The following LRRC4C variants were observed in gnomAD, a reference collection of about 807,000 sequenced individuals.
LRRC4C encodes the protein leucine rich repeat containing 4C.
In LRRC4C, 5 loss-of-function variants were observed where a neutral mutation model predicts 33.6. The ratio of observed to expected loss-of-function variants is 0.15; its 90% confidence interval spans 0.08 to 0.31. LRRC4C has a LOEUF of 0.31. Among genes scored for constraint, LRRC4C ranks in the 10% least tolerant of loss-of-function variants. The pLI is 1.00. For missense variants in LRRC4C, 560 were observed against 796.7 expected (o/e 0.70, Z 3.58); for synonymous variants, 329 against 302.0 (o/e 1.09, Z -0.93).
chr11:40,510,916 G>A (rs1457924680), intron 3 of LRRC4C, among the ~76,000 whole-genome samples: 2 of 152,112 alleles, frequency 1.3e-5, no homozygotes, highest in Non-Finnish European at 2.9e-5. Context: ...GAAAAAAACT[G>A]ATACTTGCTA....
At chr11:40,304,121 A>G (rs1944912710) in intron 4 of LRRC4C, among the ~76,000 whole-genome samples, 1 of 152,182 alleles carries the variant, frequency 6.6e-6, no homozygotes, top group African/African-American at 2.4e-5. Context: ...CTATTTCAGA[A>G]GCTCCCTCCA....
intron 1 of LRRC4C, among the ~76,000 whole-genome samples, chr11:41,362,896 A>G (rs1181777110): frequency 2.6e-5 from 4 of 151,814 alleles, no homozygotes; most frequent in African/African-American, 9.7e-5. Flanking sequence ...CTTCTGTCAC[A>G]TGGCCTTCTT....
intron 1 of LRRC4C, among the ~76,000 whole-genome samples, chr11:41,280,214 T>C (rs1949618513): frequency 6.6e-6 from 1 of 152,210 alleles, no homozygotes; most frequent in African/African-American, 2.4e-5. Flanking sequence ...TCTGAGAGCG[T>C]TGGAGACTTC....
chr11:40,782,221 C>G (rs940538068), intron 2 of LRRC4C, among the ~76,000 whole-genome samples: 1 of 152,038 alleles, frequency 6.6e-6, no homozygotes, highest in African/African-American at 2.4e-5. Flanking sequence ...TTTCAGATAC[C>G]TTTTACTATG....
intron 1 of LRRC4C, among the ~76,000 whole-genome samples, chr11:41,126,298 G>A (rs1327875617): frequency 6.6e-6 from 1 of 151,740 alleles, no homozygotes; most frequent in African/African-American, 2.4e-5. Context: ...TGGAAAATAA[G>A]GTTGTAAAAC....
At chr11:40,210,067 CAAAT>C (rs1565137448) in intron 5 of LRRC4C, among the ~76,000 whole-genome samples, 1 of 151,632 alleles carries the variant, frequency 6.6e-6, no homozygotes, top group Non-Finnish European at 1.5e-5. Context: ...AGAATGAAGA[CAAAT>C]AAACTTAAGA....
In LRRC4C at chr11:40,116,026, C is replaced by T; in HGVS notation, c.267G>A (p.Gln89=). The change falls in exon 7 of 7, where the codon CAG becomes CAA. Residue 89 remains glutamine, a synonymous_variant. Transcript: ENST00000528697. ...RLLNLHENQI[Q]IIKVNSFKHL... Reference sequence around the variant, plus strand: ...GCTTGAAGCTGTTCACTTTGATGATCTGGATTTGGTTCTCATGGAGGTTCA... The same window carrying T: ...GCTTGAAGCTGTTCACTTTGATGATTTGGATTTGGTTCTCATGGAGGTTCA... The T allele has an allele frequency of 6.2e-7, 1 of 1,614,120 alleles. No homozygotes were observed. Among genetic ancestry groups the T allele is most frequent in the East Asian group, 2.2e-5 (1 of 44,866 alleles).
intron 2 of LRRC4C, among the ~76,000 whole-genome samples, chr11:40,885,032 T>C (rs998891184): frequency 1.1e-4 from 17 of 152,084 alleles, no homozygotes; most frequent in Non-Finnish European, 2.5e-4. Context: ...CTGGGAACAA[T>C]GTACACTATT....
At chr11:40,878,300 C>T (rs983376914) in intron 2 of LRRC4C, among the ~76,000 whole-genome samples, 1 of 152,134 alleles carries the variant, frequency 6.6e-6, no homozygotes, top group African/African-American at 2.4e-5. Context: ...TACCACTTGC[C>T]ACTCACTGAT....
chr11:41,286,853 G>A (rs971253704), intron 1 of LRRC4C, among the ~76,000 whole-genome samples: 24 of 152,018 alleles, frequency 1.6e-4, no homozygotes, highest in African/African-American at 5.6e-4. Flanking sequence ...AGAAGACTCA[G>A]TAAAAAATAT....
intron 1 of LRRC4C, among the ~76,000 whole-genome samples, chr11:41,093,949 A>AAC (rs1555071920): frequency 2.9e-4 from 44 of 149,306 alleles, no homozygotes; most frequent in Non-Finnish European, 2.8e-4. Flanking sequence ...AAAAAAAAAA[A>AAC]ACACACAAAA....
intron 2 of LRRC4C, among the ~76,000 whole-genome samples, chr11:40,824,909 C>T (rs947871872): frequency 2.0e-5 from 3 of 151,940 alleles, no homozygotes; most frequent in African/African-American, 7.2e-5. Context: ...GCGGCTGTCA[C>T]TTCTGCCACA....
At chr11:40,801,762 T>G (rs1174383825) in intron 2 of LRRC4C, among the ~76,000 whole-genome samples, 1 of 152,164 alleles carries the variant, frequency 6.6e-6, no homozygotes, top group Non-Finnish European at 1.5e-5. Context: ...AATTTTTTTT[T>G]GACCTAAAAG....
chr11:40,738,218 A>C (rs575979185), intron 2 of LRRC4C, among the ~76,000 whole-genome samples: 45 of 152,152 alleles, frequency 3.0e-4, no homozygotes, highest in Non-Finnish European at 5.1e-4. Flanking sequence ...GCAAAAATTA[A>C]CTCAAGATGT....
intron 3 of LRRC4C, among the ~76,000 whole-genome samples, chr11:40,406,904 G>T (rs1949983512): frequency 6.6e-6 from 1 of 152,054 alleles, no homozygotes; most frequent in African/African-American, 2.4e-5. Flanking sequence ...GTAAGATGAA[G>T]AAAATCACTA....
chr11:41,251,806 C>T (rs926611469), intron 1 of LRRC4C, among the ~76,000 whole-genome samples: 6 of 151,890 alleles, frequency 4.0e-5, no homozygotes, highest in Middle Eastern at 3.4e-3. Flanking sequence ...ATGATAAAGG[C>T]GGAGCATTTG....
chr11:40,898,366 A>AAAAAAAAAAAAAAAAAAAAAG (rs1554991246), intron 2 of LRRC4C, among the ~76,000 whole-genome samples: 9 of 117,394 alleles, frequency 7.7e-5, no homozygotes, highest in Admixed American at 1.1e-4. Flanking sequence ...AAAAAAAAAA[A>AAAAAAAAAAAAAAAAAAAAAG]AAAAAAGAAA....
chr11:40,440,193 A>G (rs1298171996), intron 3 of LRRC4C, among the ~76,000 whole-genome samples: 2 of 152,086 alleles, frequency 1.3e-5, no homozygotes, highest in South Asian at 2.1e-4. Flanking sequence ...TACCTAGAAC[A>G]TTTCCTGGCA....
chr11:40,359,935 C>T (rs1429688957), intron 3 of LRRC4C, among the ~76,000 whole-genome samples: 2 of 152,122 alleles, frequency 1.3e-5, no homozygotes, highest in Non-Finnish European at 2.9e-5. Context: ...CACACCTCAT[C>T]CCTACCTAAT....
Sources: gnomAD v4.1 joint callset for allele counts (sites outside exome capture counted in the v4.1 genomes callset) on GRCh38, gnomAD v4.1.1 for gene constraint, MANE v1.5 for transcripts, NCBI Gene and HGNC (gene_info 2026-07-23, HGNC 2026-07-21) for gene names.